The following THOC2 variants were observed in gnomAD, a reference collection of about 807,000 sequenced individuals.
THOC2 encodes the protein THO complex subunit 2.
A neutral mutation model predicts 128.4 loss-of-function variants in THOC2; 10 were observed. The ratio of observed to expected loss-of-function variants is 0.08; its 90% CI spans 0.05 to 0.13. The LOEUF is 0.13. THOC2 is among the 10% of genes least tolerant of loss of function. THOC2 has a pLI of 1.00. For synonymous variants in THOC2, 393 were observed against 396.9 expected, an observed-to-expected ratio of 0.99 and a Z score of 0.12; for missense variants, 535 against 1,155.7, an observed-to-expected ratio of 0.46 and a Z score of 7.79.
chrX:123,621,892 A>C (rs2047097054), intron 30 of THOC2, among the ~76,000 whole-genome samples: 1 of 109,708 alleles, frequency 9.1e-6, no homozygotes, highest in East Asian at 2.9e-4. Flanking sequence ...AAAATACAAA[A>C]AACTTAGCTG....
At chrX:123,628,278 T>A (rs1360746405) in intron 22 of THOC2, among the ~76,000 whole-genome samples, 1 of 111,277 alleles carries the variant, frequency 9.0e-6, no homozygotes, top group East Asian at 2.8e-4. Context: ...CCCACCCTAC[T>A]CCCTCTTGCT....
At chrX:123,709,846 A>C (rs2147945464) in intron 2 of THOC2, among the ~76,000 whole-genome samples, 1 of 111,726 alleles carries the variant, frequency 9.0e-6, no homozygotes, top group East Asian at 2.8e-4. Context: ...TACACGTATC[A>C]AAATATCACA....
chrX:123,706,710 G>A, intron 3 of THOC2, 148 bp downstream of exon 3: 1 of 284,458 alleles, frequency 3.5e-6, no homozygotes, highest in Non-Finnish European at 6.2e-6. Flanking sequence ...TAGTTCTGAG[G>A]GGAAAAAAGT....
In THOC2 at chrX:123,627,897, T is replaced by C. The variant is rs1462430351; in HGVS notation, c.2553A>G (p.Thr851=). 2.4e-5 allele frequency: 29 copies of C among 1,208,439 alleles called. No individual in the cohort carries two copies. Among genetic ancestry groups the C allele is most frequent in the Non-Finnish European group, 3.2e-5 (29 of 893,599 alleles). The change falls in exon 23 of 39, where the codon ACA becomes ACG. Residue 851 remains threonine, a synonymous_variant. Transcript: ENST00000245838. ...KQQHKVHKYI[T]SCEMVMAPVH... ...CAGGCGCCATCACCATCTCACATGATGTAATGTACTTATGAACTTTATGTT... is the reference window on the plus strand; with the variant it reads ...CAGGCGCCATCACCATCTCACATGACGTAATGTACTTATGAACTTTATGTT...
intron 12 of THOC2, among the ~76,000 whole-genome samples, chrX:123,659,063 A>T (rs1349583076): frequency 8.9e-6 from 1 of 112,364 alleles, no homozygotes; most frequent in African/African-American, 3.2e-5. Flanking sequence ...ATTAAAGAAA[A>T]TGTTATTATA....
intron 1 of THOC2, among the ~76,000 whole-genome samples, chrX:123,717,066 A>T (rs1013788704): frequency 3.6e-5 from 4 of 112,004 alleles, no homozygotes; most frequent in Non-Finnish European, 3.8e-5. Context: ...CTTCTATCCA[A>T]CAGAGTACTA....
intron 5 of THOC2, among the ~76,000 whole-genome samples, chrX:123,697,163 A>G (rs748905854): frequency 2.7e-5 from 3 of 112,067 alleles, no homozygotes; most frequent in Non-Finnish European, 5.6e-5. Context: ...ACAGCACTTA[A>G]TAGCCTCCTA....
intron 3 of THOC2, among the ~76,000 whole-genome samples, chrX:123,706,236 C>T (rs751261099): frequency 1.6e-4 from 18 of 111,287 alleles, no homozygotes; most frequent in Non-Finnish European, 3.4e-4. Flanking sequence ...ATAATTTAAT[C>T]CTCAATTTTT....
chrX:123,698,363 C>CA (rs1375651464), intron 4 of THOC2, among the ~76,000 whole-genome samples: 1 of 107,075 alleles, frequency 9.3e-6, no homozygotes, highest in African/African-American at 3.4e-5. Context: ...GAGACTGAGG[C>CA]AGGAGAATCG....
chrX:123,617,986 C>T (rs1385339539), intron 33 of THOC2, among the ~76,000 whole-genome samples: 1 of 111,382 alleles, frequency 9.0e-6, no homozygotes, highest in East Asian at 2.8e-4. Context: ...ATTAAGTTTT[C>T]CAAAACTAAC....
chrX:123,662,403 G>A (rs771179184), intron 12 of THOC2, among the ~76,000 whole-genome samples: 76 of 109,133 alleles, frequency 7.0e-4, no homozygotes, highest in African/African-American at 2.3e-3. Context: ...TGGCTAACAC[G>A]GTGAAACCCC....
At chrX:123,719,235 T>C (rs568717922) in intron 1 of THOC2, among the ~76,000 whole-genome samples, 11 of 106,976 alleles carry the variant, frequency 1.0e-4, no homozygotes, top group Middle Eastern at 9.9e-3. Flanking sequence ...GGCAAAGGAC[T>C]TGAGTAGACA....
chrX:123,674,412 A>C (rs1457098877), intron 8 of THOC2, among the ~76,000 whole-genome samples: 3 of 112,155 alleles, frequency 2.7e-5, no homozygotes, highest in African/African-American at 9.7e-5. Flanking sequence ...GCTTGCACAG[A>C]ATATGTTTCC....
intron 8 of THOC2, among the ~76,000 whole-genome samples, chrX:123,684,862 A>G (rs964465007): frequency 1.2e-4 from 13 of 112,413 alleles, no homozygotes; most frequent in African/African-American, 4.2e-4. Context: ...TAGGTACTAT[A>G]TCATTTAAGA....
intron 7 of THOC2, 86 bp downstream of exon 7, chrX:123,695,935 C>G (rs1171608627): frequency 5.0e-5 from 31 of 614,633 alleles, no homozygotes; most frequent in Non-Finnish European, 7.3e-5. Context: ...AGATGGAATG[C>G]ACTCATTTTG....
chrX:123,631,846 C>T lies in THOC2; in HGVS notation c.2323G>A (p.Asp775Asn). The T allele has an allele frequency of 1.7e-6, 2 of 1,188,463 alleles. No homozygotes were observed. Among genetic ancestry groups the T allele is most frequent in the Non-Finnish European group, 2.3e-6 (2 of 884,906 alleles). ...AACCCACCAAACTGCACCAGGGTAT[C>T]ATGACACTAAATTTAAAAAATAAGA... is the stretch of plus-strand genomic sequence containing the variant. Reference protein sequence around the residue: ...LVGKLYDQCHDTLVQFGGFLA... With the variant: ...LVGKLYDQCHNTLVQFGGFLA... The change falls in exon 22 of 39, where the codon GAT (aspartate) becomes AAT (asparagine). Residue 775 changes from aspartate (D) to asparagine (N), a missense_variant. Transcript: ENST00000245838.
chrX:123,608,309 G>A (rs2046561290), intron 38 of THOC2, among the ~76,000 whole-genome samples: 1 of 109,686 alleles, frequency 9.1e-6, no homozygotes, highest in South Asian at 4.0e-4. Flanking sequence ...GGTGAGGCAG[G>A]AGAATCGCTT....
At chrX:123,705,528 T>C (rs1242484552) in intron 3 of THOC2, among the ~76,000 whole-genome samples, 6 of 110,646 alleles carry the variant, frequency 5.4e-5, no homozygotes, top group Admixed American at 9.7e-5. Context: ...TGGTAGCAAC[T>C]GAATTTTTTT....
chrX:123,644,742 A>G (rs1430755694), intron 14 of THOC2, 37 bp downstream of exon 14: 8 of 1,163,306 alleles, frequency 6.9e-6, no homozygotes, highest in Non-Finnish European at 9.3e-6. Flanking sequence ...TACTAGAATT[A>G]CTAATAGTTA....
Sources: allele counts gnomAD v4.1 joint callset (sites outside exome capture counted in the v4.1 genomes callset), GRCh38; gene constraint gnomAD v4.1.1; transcripts MANE v1.5; gene names NCBI Gene and HGNC (gene_info 2026-07-23, HGNC 2026-07-21).